FRS2: variants seen among roughly 807,000 people sequenced by gnomAD.
FRS2 encodes the protein FGFR signalling adaptor.
In FRS2, 8 loss-of-function variants were observed where a neutral mutation model predicts 43.9. That is an observed-to-expected ratio of 0.18 (90% CI 0.11 to 0.33). The LOEUF (loss-of-function observed/expected upper bound fraction) is 0.33, where lower values mean the gene tolerates loss of function less well. FRS2 is among the 10% of genes least tolerant of loss of function. The pLI is 1.00. For missense variants in FRS2, 534 were observed against 627.6 expected (o/e 0.85, Z 1.59); for synonymous variants, 219 against 220.3 (o/e 0.99, Z 0.05).
At chr12:69,547,573 A>G (rs1878517345) in intron 3 of FRS2, among the ~76,000 whole-genome samples, 1 of 152,212 alleles carries the variant, frequency 6.6e-6, no homozygotes, top group Non-Finnish European at 1.5e-5. Flanking sequence ...TATTCATAGA[A>G]ATAAATATAA....
intron 3 of FRS2, among the ~76,000 whole-genome samples, chr12:69,550,279 C>G (rs1002180586): frequency 1.3e-5 from 2 of 152,174 alleles, no homozygotes; most frequent in African/African-American, 4.8e-5. Context: ...AAGTATCACT[C>G]TAATCCATCC....
At chr12:69,547,830 C>CTTTTTTTTTTTTTTT (rs71094722) in intron 3 of FRS2, among the ~76,000 whole-genome samples, 2 of 102,726 alleles carry the variant, frequency 1.9e-5, no homozygotes, top group African/African-American at 7.2e-5. Context: ...TCCATTAATA[C>CTTTTTTTTTTTTTTT]TTTTTTTTTT....
chr12:69,493,875 G>A (rs1872667164), intron 1 of FRS2, among the ~76,000 whole-genome samples: 1 of 152,086 alleles, frequency 6.6e-6, no homozygotes, highest in Non-Finnish European at 1.5e-5. Flanking sequence ...AGGAAAATAT[G>A]CTTTTTCCCT....
intron 1 of FRS2, among the ~76,000 whole-genome samples, chr12:69,495,265 AT>A (rs1565724816): frequency 6.6e-6 from 1 of 152,200 alleles, no homozygotes; most frequent in Non-Finnish European, 1.5e-5. Flanking sequence ...TGCTAAATAA[AT>A]ACTTGCTAAG....
In FRS2 at chr12:69,516,008, A is replaced by G. The variant is rs569673886; in HGVS notation, c.-260-14857A>G. Among the ~76,000 whole-genome samples the G allele has an allele frequency of 6.6e-5, 10 of 151,510 alleles. No homozygotes were observed. The East Asian group carries it at 2.0e-3, about 30-fold the overall frequency. On this transcript the variant is annotated intron_variant, in intron 1 of 8. Coordinates refer to ENST00000549921, the MANE Select transcript of FRS2 (RefSeq NM_001278356.2). The stretch of plus-strand genomic sequence containing the variant: ...GAGGAAATGGTAAAGACAAACTCCC[A>G]TAGTTTCTGTGATGTCAATTAAGCT...
intron 1 of FRS2, among the ~76,000 whole-genome samples, chr12:69,475,029 A>G (rs1240313117): frequency 7.8e-6 from 1 of 129,004 alleles, no homozygotes; most frequent in Non-Finnish European, 1.7e-5. Flanking sequence ...TTTATCCATT[A>G]TATGATAACA....
At chr12:69,488,899 T>G (rs1275743341) in intron 1 of FRS2, among the ~76,000 whole-genome samples, 1 of 152,222 alleles carries the variant, frequency 6.6e-6, no homozygotes, top group African/African-American at 2.4e-5. Context: ...GAAAGTGGTC[T>G]GCTTAGAAGA....
In FRS2 at chr12:69,478,526, T is replaced by C. The variant is rs143845155; in HGVS notation, c.-261+7996T>C. Among the ~76,000 whole-genome samples, 1,323 of 152,274 alleles carry C rather than the reference T, an allele frequency of 8.7e-3. 22 individuals carry two copies. The highest frequency in any genetic ancestry group is 0.03 in the African/African-American group (1,237 of 41,554). ...AGAGATCACACATCTTCATGACACC[T>C]CTCACCTCACATGTAGGCAGATTAG... On this transcript the variant is annotated intron_variant, in intron 1 of 8. Transcript: ENST00000549921.
chr12:69,494,631 G>T (rs1398382478), intron 1 of FRS2, among the ~76,000 whole-genome samples: 3 of 152,112 alleles, frequency 2.0e-5, no homozygotes, highest in Admixed American at 2.0e-4. Flanking sequence ...TCTACCTAAG[G>T]CCAGAGTGAG....
intron 3 of FRS2, among the ~76,000 whole-genome samples, chr12:69,558,547 G>C (rs1593052904): frequency 6.6e-6 from 1 of 152,130 alleles, no homozygotes; most frequent in South Asian, 2.1e-4. Context: ...TGTTGTTTTA[G>C]GTTTGGGGGG....
chr12:69,522,190 T>TTGTGTGTGTGTGTGTGTGTGTG (rs201103216), intron 1 of FRS2, among the ~76,000 whole-genome samples: 1 of 134,714 alleles, frequency 7.4e-6, no homozygotes, highest in Non-Finnish European at 1.6e-5. Context: ...GAAGTTTTCT[T>TTGTGTGTGTGTGTGTGTGTGTG]TGTGTGTGTG....
chr12:69,567,376 A>G (rs746165083), intron 4 of FRS2, among the ~76,000 whole-genome samples: 3 of 152,180 alleles, frequency 2.0e-5, no homozygotes, highest in Non-Finnish European at 4.4e-5. Context: ...TTTTCTTAAT[A>G]CTTATACCTG....
At position 69,570,349 on chromosome 12, in the gene FRS2, G is replaced by A. The variant is rs1593071445; in HGVS notation, c.85G>A (p.Asp29Asn). The A allele has an allele frequency of 1.2e-6, 2 of 1,613,618 alleles. No homozygotes were observed. Among genetic ancestry groups the A allele is most frequent in the Non-Finnish European group, 1.7e-6 (2 of 1,179,528 alleles). ...TTTTTAGGTCATTAATGTGGATGAT[G>A]ATGGGAATGAGTTAGGTTCTGGCAT... ...NKFKVINVDD[D>N]GNELGSGIME... The change falls in exon 6 of 9, where the codon GAT (aspartate) becomes AAT (asparagine). Residue 29 changes from aspartate (D) to asparagine (N), a missense_variant. This residue lies in a region of FRS2 where 76 missense variants were observed against 90.5 expected (regional missense o/e 0.84). Coordinates refer to ENST00000549921, the MANE Select transcript of FRS2 (RefSeq NM_001278356.2).
intron 1 of FRS2, among the ~76,000 whole-genome samples, chr12:69,476,765 TG>T (rs1870823120): frequency 3.1e-5 from 1 of 31,758 alleles, no homozygotes; most frequent in Non-Finnish European, 6.0e-5. Flanking sequence ...GGGGGGGGTG[TG>T]GGGGTGGGGA....
chr12:69,485,082 A>AACACACACACACACACACACACACAC (rs71094716), intron 1 of FRS2, among the ~76,000 whole-genome samples: 18 of 85,300 alleles, frequency 2.1e-4, no homozygotes, highest in Admixed American at 4.9e-4. Flanking sequence ...CTCATCTTAA[A>AACACACACACACACACACACACACAC]ACACACACAC....
At chr12:69,545,606 G>A (rs922264616) in intron 3 of FRS2, among the ~76,000 whole-genome samples, 2 of 151,660 alleles carry the variant, frequency 1.3e-5, no homozygotes, top group African/African-American at 4.8e-5. Flanking sequence ...AAATACAAAA[G>A]ATTAGCTGGG....
At position 69,574,635 on chromosome 12, in the gene FRS2, A is replaced by G. The variant is rs1486083363; in HGVS notation, c.1207A>G (p.Ser403Gly). The stretch of plus-strand genomic sequence containing the variant: ...TACAGAGAATGTAACAGTGCCAGCA[A>G]GTGCTCACAAAATAGAATATTCAAG... ...VNTENVTVPA[S>G]AHKIEYSRRR... Residue 403 changes from serine to glycine, a missense_variant, in exon 9 of 9, where the codon AGT (serine) becomes GGT (glycine). By Grantham distance (56) the Ser-to-Gly change is moderately conservative. Transcript: ENST00000549921. 1 of 1,614,202 alleles carries G rather than the reference A, an allele frequency of 6.2e-7. No homozygotes were observed. Among genetic ancestry groups the G allele is most frequent in the African/African-American group, 1.3e-5 (1 of 75,066 alleles).
At chr12:69,476,594 T>G (rs972234022) in intron 1 of FRS2, among the ~76,000 whole-genome samples, 1 of 152,110 alleles carries the variant, frequency 6.6e-6, no homozygotes, top group Non-Finnish European at 1.5e-5. Flanking sequence ...AGTGCAGCAC[T>G]GTGCGTAATG....
At chr12:69,557,619 T>TGTGTGTGCGC (rs1555192498) in intron 3 of FRS2, among the ~76,000 whole-genome samples, 1,692 of 118,928 alleles carry the variant, frequency 0.014, 27 homozygotes, top group African/African-American at 0.036. Context: ...TGTGTGTGTG[T>TGTGTGTGCGC]GCGCGCGCGC....
Sources: allele counts gnomAD v4.1 joint callset (sites outside exome capture counted in the v4.1 genomes callset), GRCh38; gene constraint gnomAD v4.1.1; regional missense constraint gnomAD v4.1.1; transcripts MANE v1.5; gene names NCBI Gene and HGNC (gene_info 2026-07-23, HGNC 2026-07-21).